RCOR3: variants seen among roughly 807,000 people sequenced by gnomAD.
The protein encoded by RCOR3 is REST corepressor 3.
Under a neutral mutation model 64.1 loss-of-function variants are expected in RCOR3, and 13 were observed. That is an observed-to-expected ratio of 0.20 (90% confidence interval 0.13 to 0.32). The LOEUF is 0.32. RCOR3 is among the 10% of genes least tolerant of loss of function. The probability of loss-of-function intolerance (pLI) is 1.00; values close to 1 mark genes in which losing one functional copy is unlikely to be tolerated. For synonymous variants in RCOR3, 215 were observed against 239.0 expected (o/e 0.90, Z 0.93); for missense variants, 489 against 701.2 (o/e 0.70, Z 3.42).
intron 2 of RCOR3, among the ~76,000 whole-genome samples, chr1:211,266,535 A>G (rs1695217034): frequency 1.3e-5 from 2 of 152,176 alleles, no homozygotes; most frequent in South Asian, 4.1e-4. Context: ...TAACGCTACT[A>G]TAGTCTTTTA....
At chr1:211,309,137 T>TA (rs1487849110) in intron 10 of RCOR3, among the ~76,000 whole-genome samples, 1 of 114,314 alleles carries the variant, frequency 8.7e-6, no homozygotes, top group Non-Finnish European at 1.8e-5. Context: ...AGTTGGGAAA[T>TA]ACCACATAAA....
At position 211,313,364 on chromosome 1, in the gene RCOR3, T is replaced by C; in HGVS notation, c.1318-60T>C. 1.3e-6 allele frequency: 2 copies of C among 1,541,294 alleles called. No individual in the cohort carries two copies. Among genetic ancestry groups the C allele is most frequent in the South Asian group, 2.5e-5 (2 of 78,756 alleles). On this transcript the variant is annotated intron_variant, in intron 11 of 11. Coordinates refer to ENST00000419091, the MANE Select transcript of RCOR3 (RefSeq NM_001136223.3). This position sits in a 1 kb window ranked among gnomAD's most constrained non-coding sequence, Gnocchi z 4.7. ...TTTTCCTGTGACAGCCCAAACTATA[T>C]TGTATTAAGTTCATTAGGACTTACA...
intron 8 of RCOR3, among the ~76,000 whole-genome samples, chr1:211,294,580 T>C (rs1323140596): frequency 7.7e-6 from 1 of 129,350 alleles, no homozygotes; most frequent in Non-Finnish European, 1.6e-5. Flanking sequence ...TTTTCTTTCT[T>C]TCTTTCTTTT....
rs1390965305 is a variant in RCOR3 at position 211,276,289 on chromosome 1, C to G, written c.387C>G (p.Asn129Lys). Residue 129 changes from asparagine (N) to lysine (K), a missense_variant, in exon 5 of 12, where the codon AAC (asparagine) becomes AAG (lysine). This residue lies in a region of RCOR3 where 402 missense variants were observed against 617.0 expected (regional missense o/e 0.65). Coordinates refer to ENST00000419091, the MANE Select transcript of RCOR3 (RefSeq NM_001136223.3). ...GCATGTTGTTCTGGCATAAACATAA[C>G]ATTGAGAAGTCCCTTGCTGATCTCC... ...ALGMLFWHKH[N>K]IEKSLADLPN... 1 of 1,613,690 alleles carries G rather than the reference C, an allele frequency of 6.2e-7. No homozygotes were observed. Among genetic ancestry groups the G allele is most frequent in the South Asian group, 1.1e-5 (1 of 91,038 alleles).
At chr1:211,300,387 C>T (rs549292874) in intron 9 of RCOR3, among the ~76,000 whole-genome samples, 2 of 152,056 alleles carry the variant, frequency 1.3e-5, no homozygotes, top group African/African-American at 4.8e-5. Context: ...CATTTTTCCA[C>T]GGAGCTGCCT....
At chr1:211,284,910 G>A (rs1277062371) in intron 7 of RCOR3, among the ~76,000 whole-genome samples, 2 of 152,148 alleles carry the variant, frequency 1.3e-5, no homozygotes, top group Non-Finnish European at 2.9e-5. Flanking sequence ...GCATATGCCT[G>A]GCTCTCTATT....
intron 2 of RCOR3, among the ~76,000 whole-genome samples, chr1:211,266,181 T>C (rs997309317): frequency 2.0e-5 from 3 of 152,174 alleles, no homozygotes; most frequent in African/African-American, 7.2e-5. Flanking sequence ...TTAGTACATA[T>C]TAAGTATATA....
chr1:211,266,833 A>G (rs1425561593), intron 2 of RCOR3, among the ~76,000 whole-genome samples: 1 of 152,226 alleles, frequency 6.6e-6, no homozygotes, highest in Non-Finnish European at 1.5e-5. Flanking sequence ...AGTTATTTTT[A>G]ATAGCACATG....
At chr1:211,308,673 G>T (rs12756190) in intron 10 of RCOR3, among the ~76,000 whole-genome samples, 3,081 of 40,174 alleles carry the variant, frequency 0.077, 222 homozygotes, top group African/African-American at 0.11. Flanking sequence ...TTTTTTTTTT[G>T]TTTTTTTTTT....
rs1165200768 is a variant in RCOR3 at position 211,308,692 on chromosome 1, T to G, written c.1076-4028T>G. On this transcript the variant is annotated intron_variant, in intron 10 of 11. Coordinates refer to ENST00000419091, the MANE Select transcript of RCOR3 (RefSeq NM_001136223.3). ...TTTTTTGTTTTTTTTTTGTTTTTTT[T>G]TTTTTTTGTGTAGTCCAAAATCAAT... Among the ~76,000 whole-genome samples, 144 of 59,848 alleles carry G rather than the reference T, an allele frequency of 2.4e-3. 2 individuals carry two copies. Among genetic ancestry groups the G allele is most frequent in the African/African-American group, 7.2e-3 (139 of 19,320 alleles). 39.3% of individuals were successfully genotyped at this position (59,848 alleles called of 152,430 possible). A position where few individuals can be genotyped will look rare whatever the true frequency, so the allele number is the denominator to read the frequency against.
chr1:211,302,939 TTTAAC>T (rs1452635027), intron 9 of RCOR3: 4 of 152,226 alleles, frequency 2.6e-5, no homozygotes, highest in Middle Eastern at 3.2e-3. Context: ...CTTTTTCTTT[TTTAAC>T]TTTTTTAGAT....
At chr1:211,296,279 T>C (rs1699856185) in intron 9 of RCOR3, among the ~76,000 whole-genome samples, 1 of 152,226 alleles carries the variant, frequency 6.6e-6, no homozygotes, top group Admixed American at 6.5e-5. Flanking sequence ...TTCTCAAGTC[T>C]TCTATTTCAG....
intron 1 of RCOR3, 181 bp from the exon 2 acceptor site, chr1:211,259,927 C>A (rs1390099129): frequency 1.2e-6 from 1 of 857,538 alleles, no homozygotes; most frequent in Non-Finnish European, 1.7e-6. Flanking sequence ...CGCCTTTGCC[C>A]CCCCCCGCTC....
rs1379559528 is a variant in RCOR3, at chr1:211,289,396, G to A, written c.939G>A (p.Gln313=). The change falls in exon 8 of 12, where the codon CAG becomes CAA. Residue 313 remains glutamine (Q), a splice_region_variant and synonymous_variant. Transcript: ENST00000419091. ...TGGAGTTGATCTCTCTAAAACGTCAGGTATTTTATAAAAATAATATTTTTA... is the reference window on the plus strand; with the variant it reads ...TGGAGTTGATCTCTCTAAAACGTCAAGTATTTTATAAAAATAATATTTTTA... The part of the protein sequence containing the change: ...LDMELISLKR[Q]VQNAKQVNSA... 1.2e-6 allele frequency: 2 copies of A among 1,605,990 alleles called. No homozygotes were observed. Among genetic ancestry groups the A allele is most frequent in the Non-Finnish European group, 1.7e-6 (2 of 1,175,116 alleles).
Position 211,314,035 on chromosome 1 carries a change from TTAAG to T in RCOR3, c.*270_*273del, listed in dbSNP as rs1455732184. ...TCTCATAAAAGGAAAAACAAAAGAT[TTAAG>T]TATTCTATATACCAAGTTTTTGTTT... On this transcript the variant is annotated 3_prime_UTR_variant, in exon 12 of 12. Coordinates refer to ENST00000419091, the MANE Select transcript of RCOR3 (RefSeq NM_001136223.3). 1 of 405,690 alleles carries T rather than the reference TTAAG, an allele frequency of 2.5e-6. No individual in the cohort carries two copies. The highest frequency in any genetic ancestry group is 2.0e-5 in the African/African-American group (1 of 49,298). The allele number at this position is 405,690 out of a possible 1,614,324, so 25.1% of individuals were successfully genotyped here. A position where few individuals can be genotyped will look rare whatever the true frequency, so the allele number is the denominator to read the frequency against.
chr1:211,302,466 A>G (rs1332140539), intron 9 of RCOR3: 1 of 152,224 alleles, frequency 6.6e-6, no homozygotes, highest in African/African-American at 2.4e-5. Context: ...AAATTATTTC[A>G]ATAAGCCTTT....
At chr1:211,293,695 C>T (rs1010849042) in intron 8 of RCOR3, among the ~76,000 whole-genome samples, 1 of 152,166 alleles carries the variant, frequency 6.6e-6, no homozygotes, top group African/African-American at 2.4e-5. Context: ...ATGAAATCCT[C>T]GAGAATTCAG....
chr1:211,307,346 A>G (rs1700944408), intron 10 of RCOR3, among the ~76,000 whole-genome samples: 2 of 151,972 alleles, frequency 1.3e-5, no homozygotes, highest in Non-Finnish European at 2.9e-5. Context: ...AAAATTAGCC[A>G]GGTATGGTGG....
chr1:211,263,172 T>C (rs1378416902), intron 2 of RCOR3, among the ~76,000 whole-genome samples: 1 of 151,828 alleles, frequency 6.6e-6, no homozygotes, highest in Non-Finnish European at 1.5e-5. Context: ...GATTTCCAAT[T>C]TCATCCACGT....
Sources: gnomAD v4.1 joint callset for allele counts (sites outside exome capture counted in the v4.1 genomes callset) on GRCh38, gnomAD v4.1.1 for gene constraint, gnomAD v4.1.1 regional missense constraint, Gnocchi (gnomAD v3.1) non-coding constraint, MANE v1.5 for transcripts, NCBI Gene and HGNC (gene_info 2026-07-23, HGNC 2026-07-21) for gene names.